Variants in KRABD5 observed in about 807,000 individuals in gnomAD.
The protein encoded by KRABD5 is KRAB domain-containing protein 5.
At chr16:31,753,441 T>C in the KRABD5 span, among the ~76,000 whole-genome samples, 1 of 152,234 alleles carries the variant, frequency 6.6e-6, no homozygotes, top group Non-Finnish European at 1.5e-5. Flanking sequence ...TTGCTCCTTT[T>C]ATTTTTCTTT....
the KRABD5 span, among the ~76,000 whole-genome samples, chr16:31,752,231 G>A: frequency 3.9e-5 from 6 of 152,164 alleles, no homozygotes; most frequent in Non-Finnish European, 7.3e-5. Context: ...TATGTGTTCT[G>A]TGGTTGATGG....
At chr16:31,745,195 C>A in the KRABD5 span, among the ~76,000 whole-genome samples, 1 of 152,086 alleles carries the variant, frequency 6.6e-6, no homozygotes, top group Non-Finnish European at 1.5e-5. Context: ...CTCTCTAGCT[C>A]TTTTAATTGT....
At chr16:31,750,510 C>T in the KRABD5 span, among the ~76,000 whole-genome samples, 4 of 152,048 alleles carry the variant, frequency 2.6e-5, no homozygotes, top group African/African-American at 4.8e-5. Context: ...CTTTGGATGC[C>T]TTTTATTTCA....
the KRABD5 span, chr16:31,714,359 C>A: frequency 2.2e-6 from 1 of 456,090 alleles, no homozygotes; most frequent in Admixed American, 2.4e-5. Context: ...TTTCCTGAAA[C>A]CTGTTAGGTC....
the KRABD5 span, among the ~76,000 whole-genome samples, chr16:31,725,373 C>T: frequency 1.3e-5 from 2 of 152,202 alleles, no homozygotes; most frequent in African/African-American, 2.4e-5. Context: ...ACACCTCGTC[C>T]TCCCAAAGTG....
chr16:31,738,272 C>T, the KRABD5 span, among the ~76,000 whole-genome samples: 1 of 152,000 alleles, frequency 6.6e-6, no homozygotes, highest in African/African-American at 2.4e-5. Context: ...TTATTCTTTC[C>T]ATTACTGAAA....
the KRABD5 span, chr16:31,757,038 T>C: frequency 6.6e-6 from 1 of 152,246 alleles, no homozygotes; most frequent in Non-Finnish European, 1.5e-5. Context: ...GTCTTCTGGG[T>C]TCAGACTTTA....
chr16:31,727,812 T>G, the KRABD5 span, among the ~76,000 whole-genome samples: 1 of 152,196 alleles, frequency 6.6e-6, no homozygotes, highest in African/African-American at 2.4e-5. Flanking sequence ...CTCTTATTAT[T>G]CTTTGTGTGT....
the KRABD5 span, among the ~76,000 whole-genome samples, chr16:31,739,844 CCCACCCAGGGTGGAAAG>C: frequency 6.6e-6 from 1 of 152,186 alleles, no homozygotes; most frequent in Non-Finnish European, 1.5e-5. Flanking sequence ...GAACACCTGG[CCCACCCAGGGTGGAAAG>C]CCGCTTAAAG....
chr16:31,733,872 A>G, the KRABD5 span, among the ~76,000 whole-genome samples: 6 of 152,144 alleles, frequency 3.9e-5, no homozygotes, highest in African/African-American at 1.2e-4. Flanking sequence ...GCAAACATCT[A>G]TTCCGCGTTC....
chr16:31,731,195 C>A, the KRABD5 span, among the ~76,000 whole-genome samples: 1 of 152,158 alleles, frequency 6.6e-6, no homozygotes, highest in Non-Finnish European at 1.5e-5. Flanking sequence ...GAAATAAATA[C>A]TTTCTTCTTT....
chr16:31,755,503 C>A, the KRABD5 span: 1 of 461,080 alleles, frequency 2.2e-6, no homozygotes. Flanking sequence ...TCTCTCATTC[C>A]TCATGTCTTT....
chr16:31,713,925 A>G, the KRABD5 span, among the ~76,000 whole-genome samples: 2 of 152,232 alleles, frequency 1.3e-5, no homozygotes, highest in African/African-American at 4.8e-5. Flanking sequence ...CGATTTCAAA[A>G]TCCCAGGGCT....
the KRABD5 span, among the ~76,000 whole-genome samples, chr16:31,740,646 TA>T: frequency 6.6e-6 from 1 of 151,084 alleles, no homozygotes; most frequent in African/African-American, 2.4e-5. Flanking sequence ...TTTTTTTTTT[TA>T]ATTAGTTGTT....
the KRABD5 span, chr16:31,714,471 G>A: frequency 2.6e-5 from 12 of 454,154 alleles, no homozygotes; most frequent in Non-Finnish European, 4.4e-5. Flanking sequence ...AGTGGAGGAA[G>A]GTCTGACGTT....
chr16:31,716,342 C>T, the KRABD5 span, among the ~76,000 whole-genome samples: 1 of 152,198 alleles, frequency 6.6e-6, no homozygotes, highest in Non-Finnish European at 1.5e-5. Context: ...CACTGCCCCC[C>T]ATGTGAGAGT....
the KRABD5 span, among the ~76,000 whole-genome samples, chr16:31,747,913 G>A: frequency 1.4e-4 from 22 of 152,248 alleles, no homozygotes; most frequent in Admixed American, 1.4e-3. Flanking sequence ...TGAGTAGATT[G>A]CAAAAATTTT....
At chr16:31,726,268 A>G in the KRABD5 span, among the ~76,000 whole-genome samples, 4 of 152,206 alleles carry the variant, frequency 2.6e-5, no homozygotes, top group Admixed American at 6.5e-5. Context: ...GCCCTTGTCA[A>G]AGAGTGCTAA....
the KRABD5 span, among the ~76,000 whole-genome samples, chr16:31,732,526 A>T: frequency 6.6e-6 from 1 of 152,204 alleles, no homozygotes; most frequent in African/African-American, 2.4e-5. Context: ...AATTGTTAAG[A>T]TTTATATATT....
Sources: allele counts gnomAD v4.1 joint callset (sites outside exome capture counted in the v4.1 genomes callset), GRCh38; gene constraint gnomAD v4.1.1; transcripts MANE v1.5; gene names NCBI Gene and HGNC (gene_info 2026-07-23, HGNC 2026-07-21).